ANAPC5: variants seen among roughly 807,000 people sequenced by gnomAD.
The protein encoded by ANAPC5 is anaphase-promoting complex subunit 5.
Under a neutral mutation model 91.3 loss-of-function variants are expected in ANAPC5, and 60 were observed. The ratio of observed to expected loss-of-function variants is 0.66; its 90% CI spans 0.53 to 0.81. ANAPC5 has a LOEUF of 0.81. ANAPC5 is among the 40% of genes least tolerant of loss of function. The pLI is 0.00. For missense variants in ANAPC5, 690 were observed against 931.5 expected, an observed-to-expected ratio of 0.74 and a Z score of 3.37; for synonymous variants, 340 against 364.1, an observed-to-expected ratio of 0.93 and a Z score of 0.75.
rs139255677 is a variant in ANAPC5, at chr12:121,310,130, T to C, written c.1894-267A>G. On this transcript the variant is annotated intron_variant, in intron 15 of 16. Transcript: ENST00000261819. Reference sequence around the variant, plus strand: ...AAAAAGATCCAGCATTAATATCCTTTAGCTTGGTGATTCTGAGGGGTTGAA... The same window carrying C: ...AAAAAGATCCAGCATTAATATCCTTCAGCTTGGTGATTCTGAGGGGTTGAA... 8 of 249,286 alleles carry C rather than the reference T, an allele frequency of 3.2e-5. No individual in the cohort carries two copies. In the East Asian group the frequency reaches 6.1e-4, roughly 19 times the overall value. The allele number at this position is 249,286 out of a possible 1,614,324, so 15.4% of individuals were successfully genotyped here.
chr12:121,336,132 C>T (rs1555273435), intron 6 of ANAPC5, among the ~76,000 whole-genome samples: 2 of 152,052 alleles, frequency 1.3e-5, no homozygotes, highest in African/African-American at 2.4e-5. Context: ...AGTTAAAACA[C>T]ACTGAGACTT....
At chr12:121,344,581 C>CAA (rs58016198) in intron 4 of ANAPC5, among the ~76,000 whole-genome samples, 18 of 81,826 alleles carry the variant, frequency 2.2e-4, no homozygotes, top group African/African-American at 6.2e-4. Context: ...GACTTGATCT[C>CAA]AAAAAAAAAA....
At chr12:121,318,891 G>A (rs561911996) in intron 13 of ANAPC5, among the ~76,000 whole-genome samples, 1 of 152,122 alleles carries the variant, frequency 6.6e-6, no homozygotes, top group East Asian at 1.9e-4. Context: ...GTAGTGGTGG[G>A]CACCTGTAAT....
At chr12:121,349,390 A>G (rs1316069811) in intron 1 of ANAPC5, among the ~76,000 whole-genome samples, 5 of 151,860 alleles carry the variant, frequency 3.3e-5, no homozygotes, top group Non-Finnish European at 5.9e-5. Context: ...GGGAGACTAC[A>G]TCTCTACCAA....
At chr12:121,316,550 A>G (rs1902370626) in intron 15 of ANAPC5, among the ~76,000 whole-genome samples, 1 of 151,884 alleles carries the variant, frequency 6.6e-6, no homozygotes, top group Middle Eastern at 3.2e-3. Flanking sequence ...TGGCTAACAC[A>G]GTGAAACCCC....
chr12:121,324,392 C>T (rs1209543241), intron 11 of ANAPC5, among the ~76,000 whole-genome samples: 2 of 151,918 alleles, frequency 1.3e-5, no homozygotes, highest in African/African-American at 4.8e-5. Context: ...TAGTTGTGTA[C>T]TAAAAGGCTT....
chr12:121,318,972 A>C (rs1422091749), intron 13 of ANAPC5, among the ~76,000 whole-genome samples: 1 of 152,020 alleles, frequency 6.6e-6, no homozygotes, highest in African/African-American at 2.4e-5. Flanking sequence ...GTGAGCTGAG[A>C]TCGTGCCACT....
At chr12:121,352,425 C>T (rs1024426652), upstream of ANAPC5, 1 of 1,091,556 alleles carries the variant, frequency 9.2e-7, no homozygotes, top group South Asian at 1.5e-5. Flanking sequence ...TCTACATCTC[C>T]GCCCGCCCTC....
In ANAPC5 at chr12:121,330,675, G is replaced by T; in HGVS notation, c.1033-3C>A. 6.2e-7 allele frequency: 1 copy of T among 1,613,396 alleles called. No homozygotes were observed. The highest frequency in any genetic ancestry group is 1.1e-5 in the South Asian group (1 of 91,046). On this transcript the variant is annotated splice_region_variant and splice_polypyrimidine_tract_variant and intron_variant, in intron 8 of 16. Coordinates refer to ENST00000261819, the MANE Select transcript of ANAPC5 (RefSeq NM_016237.5). ...TGCCCCAGCACATAAAGCCAGCTCT[G>T]GCAAGAGAAATCATCAAAATATATC...
At chr12:121,328,600 G>GT in intron 9 of ANAPC5, 103 bp from the exon 10 acceptor site, 1 of 1,052,084 alleles carries the variant, frequency 9.5e-7, no homozygotes, top group Non-Finnish European at 1.4e-6. Context: ...CACATGCACA[G>GT]TGACAGCACT....
chr12:121,335,844 C>G, intron 6 of ANAPC5, 121 bp from the exon 7 acceptor site: 1 of 774,152 alleles, frequency 1.3e-6, no homozygotes, highest in South Asian at 2.5e-5. Context: ...ATAAGATGGT[C>G]ATAGTTTAGC....
At chr12:121,311,628 T>A (rs1593571230) in intron 15 of ANAPC5, among the ~76,000 whole-genome samples, 1 of 151,810 alleles carries the variant, frequency 6.6e-6, no homozygotes, top group South Asian at 2.1e-4. Context: ...AGACCAGGAG[T>A]TTGAGACCAG....
At chr12:121,315,475 A>T (rs987223003) in intron 15 of ANAPC5, among the ~76,000 whole-genome samples, 1 of 145,314 alleles carries the variant, frequency 6.9e-6, no homozygotes, top group African/African-American at 2.8e-5. Context: ...GATGCTGAAT[A>T]GCCAAAACAA....
At chr12:121,323,389 A>G (rs1902695155) in intron 11 of ANAPC5, among the ~76,000 whole-genome samples, 1 of 151,792 alleles carries the variant, frequency 6.6e-6, no homozygotes, top group African/African-American at 2.4e-5. Context: ...TAGTGGTGCA[A>G]TCTCAGCTCA....
At chr12:121,329,006 T>TA (rs1178202245) in intron 9 of ANAPC5, 2 of 152,644 alleles carry the variant, frequency 1.3e-5, no homozygotes, top group African/African-American at 2.4e-5. Flanking sequence ...AAAGCTCAAC[T>TA]AAAAAATGCC....
At chr12:121,340,849 C>CA (rs1332411533) in intron 5 of ANAPC5, among the ~76,000 whole-genome samples, 27 of 151,826 alleles carry the variant, frequency 1.8e-4, no homozygotes, top group Non-Finnish European at 8.8e-5. Context: ...CGTGAGCCAC[C>CA]ATGCCCAGCC....
At chr12:121,344,679 A>C (rs1483732171) in intron 4 of ANAPC5, among the ~76,000 whole-genome samples, 1 of 152,128 alleles carries the variant, frequency 6.6e-6, no homozygotes, top group African/African-American at 2.4e-5. Flanking sequence ...TGTGATCTGA[A>C]AGGTGAAAGG....
chr12:121,343,336 T>A (rs1903533439), intron 4 of ANAPC5, among the ~76,000 whole-genome samples: 1 of 152,222 alleles, frequency 6.6e-6, no homozygotes, highest in African/African-American at 2.4e-5. Flanking sequence ...TAGAGAATAA[T>A]AATAGTTAAC....
chr12:121,312,704 C>CA (rs1411473272), intron 15 of ANAPC5, among the ~76,000 whole-genome samples: 5 of 59,188 alleles, frequency 8.4e-5, no homozygotes, highest in African/African-American at 5.4e-4. Context: ...GAGACTCTGT[C>CA]ACAAAAAAAA....
Sources: gnomAD v4.1 joint callset for allele counts (sites outside exome capture counted in the v4.1 genomes callset) on GRCh38, gnomAD v4.1.1 for gene constraint, MANE v1.5 for transcripts, NCBI Gene and HGNC (gene_info 2026-07-23, HGNC 2026-07-21) for gene names.